Variants in CCBE1 observed in about 807,000 individuals in gnomAD.
CCBE1 encodes the protein collagen and calcium-binding EGF domain-containing protein 1.
A neutral mutation model predicts 50.0 loss-of-function variants in CCBE1; 37 were observed. The observed-to-expected ratio is 0.74, with a 90% CI of 0.57 to 0.97. The LOEUF (loss-of-function observed/expected upper bound fraction) is 0.97. CCBE1 is among the 50% of genes least tolerant of loss of function. CCBE1 has a pLI of 0.00. For synonymous variants in CCBE1, 234 were observed against 203.7 expected (o/e 1.15, Z -1.27); for missense variants, 538 against 523.8 (o/e 1.03, Z -0.26).
chr18:59,539,727 T>C (rs927482470), intron 2 of CCBE1, among the ~76,000 whole-genome samples: 2 of 152,216 alleles, frequency 1.3e-5, no homozygotes, highest in African/African-American at 4.8e-5. Flanking sequence ...AACTCCCATT[T>C]AAATTAAAAT....
chr18:59,539,500 G>C (rs557001709), intron 2 of CCBE1, among the ~76,000 whole-genome samples: 10 of 152,178 alleles, frequency 6.6e-5, no homozygotes, highest in Non-Finnish European at 1.5e-4. Flanking sequence ...CTGAAGTAGA[G>C]GACTCAGCTA....
At position 59,568,655 on chromosome 18, in the gene CCBE1, G is replaced by C. The variant is rs554919972; in HGVS notation, c.213-88417C>G. On this transcript the variant is annotated intron_variant, in intron 2 of 10. Coordinates refer to ENST00000439986, the MANE Select transcript of CCBE1 (RefSeq NM_133459.4). ...AGTTCACCTGCGCAGACCAAAAACA[G>C]TGCACGCTGTAGGCGGCCCAGTCCA... 159 of 152,328 alleles carry C rather than the reference G, an allele frequency of 1.0e-3. 1 individual carries two copies. The highest frequency in any genetic ancestry group is 3.7e-3 in the African/African-American group (152 of 41,564). 9.4% of individuals were successfully genotyped at this position (152,328 alleles called of 1,614,324 possible).
Position 59,458,149 on chromosome 18 carries a change from T to C in CCBE1, c.554-3198A>G, listed in dbSNP as rs59730212. Among the ~76,000 whole-genome samples, 1,011 of 119,622 alleles carry C rather than the reference T, an allele frequency of 8.5e-3. 3 individuals carry two copies. Among genetic ancestry groups the C allele is most frequent in the Non-Finnish European group, 0.012 (679 of 55,762 alleles). 78.5% of individuals were successfully genotyped at this position (119,622 alleles called of 152,430 possible). A position where few individuals can be genotyped will look rare whatever the true frequency, so the allele number is the denominator to read the frequency against. The stretch of plus-strand genomic sequence containing the variant: ...CCATCCATCCATCCATCCATCCATC[T>C]ATCCATCCATCCAACCATCCATCCA... On this transcript the variant is annotated intron_variant, in intron 5 of 10. Coordinates refer to ENST00000439986, the MANE Select transcript of CCBE1 (RefSeq NM_133459.4).
intron 2 of CCBE1, among the ~76,000 whole-genome samples, chr18:59,657,196 A>G (rs62094390): frequency 0.031 from 4,657 of 152,354 alleles, 113 homozygotes; most frequent in Middle Eastern, 0.071. Context: ...TGCTACCTAG[A>G]AAAGCATCCA....
intron 2 of CCBE1, among the ~76,000 whole-genome samples, chr18:59,643,727 A>G (rs2054019679): frequency 6.8e-6 from 1 of 146,562 alleles, no homozygotes; most frequent in African/African-American, 2.5e-5. Flanking sequence ...AGGCTGAGGC[A>G]GGAGAATCGT....
At chr18:59,519,813 T>C (rs934305199) in intron 2 of CCBE1, among the ~76,000 whole-genome samples, 4 of 152,256 alleles carry the variant, frequency 2.6e-5, no homozygotes, top group African/African-American at 9.6e-5. Flanking sequence ...AGGTCTTACA[T>C]TTAAGTCTGT....
chr18:59,565,384 C>T (rs964499995), intron 2 of CCBE1, among the ~76,000 whole-genome samples: 11 of 103,066 alleles, frequency 1.1e-4, no homozygotes, highest in African/African-American at 6.6e-4. Context: ...CTGCAAAGGG[C>T]TGTGTTGGGT....
At chr18:59,540,428 C>A (rs1034385547) in intron 2 of CCBE1, among the ~76,000 whole-genome samples, 6 of 152,100 alleles carry the variant, frequency 3.9e-5, no homozygotes, top group Non-Finnish European at 8.8e-5. Context: ...GAAGCTGAGC[C>A]CATGTGTCCA....
chr18:59,474,494 G>C (rs1441644140), intron 3 of CCBE1, among the ~76,000 whole-genome samples: 1 of 152,212 alleles, frequency 6.6e-6, no homozygotes, highest in African/African-American at 2.4e-5. Flanking sequence ...CCTTGCCTGA[G>C]AGTGAAGTCA....
chr18:59,597,495 C>T (rs151202834), intron 2 of CCBE1, among the ~76,000 whole-genome samples: 5 of 152,208 alleles, frequency 3.3e-5, no homozygotes, highest in South Asian at 2.1e-4. Context: ...TTGCTTCCTC[C>T]GGTCCTCTCT....
At chr18:59,517,788 T>C (rs1434674623) in intron 2 of CCBE1, among the ~76,000 whole-genome samples, 1 of 151,930 alleles carries the variant, frequency 6.6e-6, no homozygotes, top group African/African-American at 2.4e-5. Context: ...TGGAAGGGGG[T>C]TCAGAGCCAC....
intron 2 of CCBE1, among the ~76,000 whole-genome samples, chr18:59,502,320 G>T (rs1322012357): frequency 6.6e-6 from 1 of 152,176 alleles, no homozygotes; most frequent in African/African-American, 2.4e-5. Flanking sequence ...ACAATCCCTG[G>T]TGGGACACAG....
intron 2 of CCBE1, among the ~76,000 whole-genome samples, chr18:59,563,029 T>G (rs2052764923): frequency 6.6e-6 from 1 of 152,232 alleles, no homozygotes; most frequent in South Asian, 2.1e-4. Context: ...TGAGTTTATG[T>G]ATTTTTGTTC....
chr18:59,606,487 C>T lies in CCBE1; in HGVS notation c.212+90142G>A, dbSNP rs542996036. 2.0e-5 allele frequency among the ~76,000 whole-genome samples: 3 copies of T among 152,328 alleles called. No homozygotes were observed. In the East Asian group the frequency reaches 5.8e-4, roughly 29 times the overall value. On this transcript the variant is annotated intron_variant, in intron 2 of 10. Transcript: ENST00000439986. ...GTCATGACATCCCATTACAAACTGT[C>T]TTCAAAGAAAGTAGTAAACATAACT... is the stretch of plus-strand genomic sequence containing the variant.
intron 2 of CCBE1, among the ~76,000 whole-genome samples, chr18:59,586,964 G>T (rs550864329): frequency 5.3e-5 from 8 of 151,938 alleles, no homozygotes; most frequent in African/African-American, 1.9e-4. Flanking sequence ...AAAAACAGAG[G>T]GCAGATATGA....
chr18:59,454,842 G>A lies in CCBE1; in HGVS notation c.654+9C>T, dbSNP rs748798926. 23 of 1,611,550 alleles carry A rather than the reference G, an allele frequency of 1.4e-5. No homozygotes were observed. Among genetic ancestry groups the A allele is most frequent in the Non-Finnish European group, 1.9e-5 (22 of 1,177,636 alleles). ...CAGGCATCATCGTTCCCACCCCAGC[G>A]GCACGTACCTTTTGCTTCAGCTGCA... On this transcript the variant is annotated intron_variant, in intron 6 of 10. Transcript: ENST00000439986.
At chr18:59,530,812 A>G (rs1915018721) in intron 2 of CCBE1, among the ~76,000 whole-genome samples, 1 of 152,248 alleles carries the variant, frequency 6.6e-6, no homozygotes, top group Non-Finnish European at 1.5e-5. Flanking sequence ...CATTGTTCTC[A>G]GATAGTTTTC....
chr18:59,679,275 A>G (rs1177277986), intron 2 of CCBE1, among the ~76,000 whole-genome samples: 5 of 152,254 alleles, frequency 3.3e-5, no homozygotes, highest in Non-Finnish European at 7.3e-5. Flanking sequence ...CACTAGTGAT[A>G]ATGGAAGTAC....
chr18:59,512,593 G>A (rs1026606955), intron 2 of CCBE1, among the ~76,000 whole-genome samples: 2 of 152,262 alleles, frequency 1.3e-5, no homozygotes, highest in Admixed American at 6.5e-5. Flanking sequence ...AGAGAGGCAC[G>A]AAGTGCTGAG....
Sources: gnomAD v4.1 joint callset for allele counts (sites outside exome capture counted in the v4.1 genomes callset) on GRCh38, gnomAD v4.1.1 for gene constraint, MANE v1.5 for transcripts, NCBI Gene and HGNC (gene_info 2026-07-23, HGNC 2026-07-21) for gene names.